SCIN: variants seen among roughly 807,000 people sequenced by gnomAD.
The protein encoded by SCIN is scinderin.
Under a neutral mutation model 91.8 loss-of-function variants are expected in SCIN, and 91 were observed. The ratio of observed to expected loss-of-function variants is 0.99; its 90% CI spans 0.84 to 1.18. The LOEUF (loss-of-function observed/expected upper bound fraction) is 1.18, where lower values mean the gene tolerates loss of function less well. SCIN is among the 50% of genes most tolerant of loss of function. SCIN has a pLI of 0.00. For synonymous variants in SCIN, 367 were observed against 312.6 expected (o/e 1.17, Z -1.84); for missense variants, 1,087 against 863.9 (o/e 1.26, Z -3.24).
At chr7:12,625,709 A>T in intron 6 of SCIN, 53 bp from the exon 7 acceptor site, 11 of 1,183,614 alleles carry the variant, frequency 9.3e-6, no homozygotes, top group Non-Finnish European at 1.4e-5. Context: ...TCTTAATCAT[A>T]GAATGTCTTC....
chr7:12,633,870 G>A (rs1490790564), intron 9 of SCIN, among the ~76,000 whole-genome samples: 1 of 152,094 alleles, frequency 6.6e-6, no homozygotes, highest in African/African-American at 2.4e-5. Flanking sequence ...TAGGCTCTTG[G>A]GAAATGTAGG....
chr7:12,605,211 C>A (rs1783053036), intron 4 of SCIN, among the ~76,000 whole-genome samples: 1 of 152,150 alleles, frequency 6.6e-6, no homozygotes, highest in Non-Finnish European at 1.5e-5. Flanking sequence ...ACCACCATAC[C>A]TGGCTAATTT....
intron 3 of SCIN, among the ~76,000 whole-genome samples, chr7:12,592,770 C>T (rs1288293809): frequency 6.6e-6 from 1 of 152,100 alleles, no homozygotes; most frequent in African/African-American, 2.4e-5. Flanking sequence ...AGAGATGAGT[C>T]CGTCAACCCC....
intron 10 of SCIN, among the ~76,000 whole-genome samples, chr7:12,639,289 A>C (rs779394861): frequency 6.6e-6 from 1 of 152,260 alleles, no homozygotes; most frequent in Non-Finnish European, 1.5e-5. Context: ...GTGAGACTAT[A>C]ACTGACAAAA....
chr7:12,644,409 T>C, intron 12 of SCIN, 94 bp downstream of exon 12: 3 of 1,457,038 alleles, frequency 2.1e-6, no homozygotes, highest in Non-Finnish European at 2.8e-6. Context: ...TTCTAATGGC[T>C]TATAAGGGTT....
chr7:12,617,667 A>G (rs970243325), intron 4 of SCIN, among the ~76,000 whole-genome samples: 1 of 152,150 alleles, frequency 6.6e-6, no homozygotes, highest in Non-Finnish European at 1.5e-5. Flanking sequence ...TGGCAGACCT[A>G]TCCCAATGGT....
At chr7:12,573,630 T>C (rs889125997) in intron 1 of SCIN, among the ~76,000 whole-genome samples, 1 of 152,142 alleles carries the variant, frequency 6.6e-6, no homozygotes, top group African/African-American at 2.4e-5. Flanking sequence ...CACCTAGCAG[T>C]TTAAATGCAT....
chr7:12,637,486 G>C (rs1031615992), intron 10 of SCIN, among the ~76,000 whole-genome samples: 1 of 151,888 alleles, frequency 6.6e-6, no homozygotes, highest in Non-Finnish European at 1.5e-5. Flanking sequence ...GAAAAGACAG[G>C]GAGAAAGGGG....
chr7:12,601,980 G>A (rs879745638), intron 3 of SCIN, among the ~76,000 whole-genome samples: 2 of 152,094 alleles, frequency 1.3e-5, no homozygotes, highest in African/African-American at 4.8e-5. Flanking sequence ...TTTCTTATTG[G>A]GGGAAGTCGG....
intron 11 of SCIN, among the ~76,000 whole-genome samples, chr7:12,641,617 A>G (rs916313579): frequency 6.6e-6 from 1 of 152,042 alleles, no homozygotes; most frequent in Non-Finnish European, 1.5e-5. Flanking sequence ...TCACACTCAC[A>G]TGGTCCTATA....
rs1235400484 is a variant in SCIN, at chr7:12,570,951, C to T, written c.165C>T (p.Ser55=). ...TGGTGCTGCACACGGCCAAGACGAG[C>T]CGAGGCTTCACCTACCACCTGCACT... ...AYLVLHTAKT[S]RGFTYHLHFW... The change falls in exon 1 of 16, where the codon AGC becomes AGT. Residue 55 remains serine (S), a synonymous_variant. Transcript: ENST00000297029. 4 of 1,551,376 alleles carry T rather than the reference C, an allele frequency of 2.6e-6. No individual in the cohort carries two copies. Among genetic ancestry groups the T allele is most frequent in the Non-Finnish European group, 3.5e-6 (4 of 1,146,868 alleles).
At chr7:12,647,537 T>C (rs1029777664) in intron 13 of SCIN, among the ~76,000 whole-genome samples, 2 of 152,188 alleles carry the variant, frequency 1.3e-5, no homozygotes, top group African/African-American at 4.8e-5. Context: ...TGTAGTTGTC[T>C]CAACTCTAAA....
intron 4 of SCIN, among the ~76,000 whole-genome samples, chr7:12,617,834 T>A (rs1254446092): frequency 1.3e-5 from 2 of 152,164 alleles, no homozygotes; most frequent in Admixed American, 6.6e-5. Context: ...ACATTGGCAT[T>A]CTTTTTTATA....
At chr7:12,604,727 T>TGC (rs2115250289) in intron 4 of SCIN, 64 bp downstream of exon 4, 2 of 1,314,642 alleles carry the variant, frequency 1.5e-6, no homozygotes, top group Admixed American at 2.2e-5. Flanking sequence ...CTGTGTGGTG[T>TGC]GTGTGTGTGT....
intron 7 of SCIN, chr7:12,626,136 G>A (rs2115274790): frequency 2.8e-6 from 1 of 361,556 alleles, no homozygotes; most frequent in Non-Finnish European, 4.9e-6. Context: ...GCACTTAAGA[G>A]TTATTATTCC....
Position 12,635,611 on chromosome 7 carries a change from CAAAAAAAAAAAAAAAAA to C in SCIN, c.1320-419_1320-403del, listed in dbSNP as rs59324421. 6.8e-3 allele frequency among the ~76,000 whole-genome samples: 40 copies of C among 5,856 alleles called. 1 individual carries two copies. Among genetic ancestry groups the C allele is most frequent in the Admixed American group, 0.021 (5 of 236 alleles). 3.8% of individuals were successfully genotyped at this position (5,856 alleles called of 152,430 possible). ...CGGGCGACAGTGCAGGACTCCGTCT[CAAAAAAAAAAAAAAAAA>C]AAAAAAAAAAAAAAGGCAAGAAAGA... On this transcript the variant is annotated intron_variant, in intron 9 of 15. Coordinates refer to ENST00000297029, the MANE Select transcript of SCIN (RefSeq NM_001112706.3).
At chr7:12,621,904 C>T (rs1231616560) in intron 4 of SCIN, among the ~76,000 whole-genome samples, 2 of 151,242 alleles carry the variant, frequency 1.3e-5, no homozygotes, top group Admixed American at 6.6e-5. Context: ...TAAGGAATAG[C>T]GAATATAAAA....
intron 1 of SCIN, among the ~76,000 whole-genome samples, chr7:12,572,644 A>C (rs760214782): frequency 6.6e-6 from 1 of 152,208 alleles, no homozygotes; most frequent in African/African-American, 2.4e-5. Context: ...CTTAACTACT[A>C]TATTTTGTAG....
At chr7:12,592,227 C>A (rs907257696) in intron 3 of SCIN, among the ~76,000 whole-genome samples, 1 of 151,774 alleles carries the variant, frequency 6.6e-6, no homozygotes, top group African/African-American at 2.4e-5. Flanking sequence ...TTGGTAGCGA[C>A]GAGAGAGAGA....
Sources: allele counts gnomAD v4.1 joint callset (sites outside exome capture counted in the v4.1 genomes callset), GRCh38; gene constraint gnomAD v4.1.1; transcripts MANE v1.5; gene names NCBI Gene and HGNC (gene_info 2026-07-23, HGNC 2026-07-21).